Variants in NALCN observed in about 807,000 individuals in gnomAD.
The protein encoded by NALCN is sodium leak channel NALCN.
A neutral mutation model predicts 225.3 loss-of-function variants in NALCN; 111 were observed. The ratio of observed to expected loss-of-function variants is 0.49; its 90% CI spans 0.42 to 0.58. NALCN has a LOEUF of 0.58. Among genes scored for constraint, NALCN ranks in the 20% least tolerant of loss-of-function variants. The pLI is 0.00. For synonymous variants in NALCN, 764 were observed against 769.0 expected (o/e 0.99, Z 0.11); for missense variants, 1,378 against 2,202.4 (o/e 0.63, Z 7.49).
chr13:101,295,841 C>T (rs1213610558), intron 7 of NALCN, among the ~76,000 whole-genome samples: 1 of 152,238 alleles, frequency 6.6e-6, no homozygotes, highest in East Asian at 1.9e-4. Flanking sequence ...CTACTCCTGG[C>T]TTTGCCAAAC....
At chr13:101,198,448 A>G (rs1341724200) in intron 13 of NALCN, among the ~76,000 whole-genome samples, 1 of 152,238 alleles carries the variant, frequency 6.6e-6, no homozygotes, top group Non-Finnish European at 1.5e-5. Context: ...TTATAAGAAG[A>G]AAACAAACAA....
intron 13 of NALCN, among the ~76,000 whole-genome samples, chr13:101,203,271 A>G (rs958548300): frequency 6.6e-6 from 1 of 152,196 alleles, no homozygotes. Flanking sequence ...GCTGGAGTGC[A>G]ATGGCACGAT....
intron 7 of NALCN, among the ~76,000 whole-genome samples, chr13:101,318,177 C>A (rs1001008203): frequency 3.3e-5 from 5 of 152,192 alleles, no homozygotes; most frequent in African/African-American, 9.7e-5. Context: ...TGGGCTCGTT[C>A]TGCCCACCCG....
intron 14 of NALCN, among the ~76,000 whole-genome samples, chr13:101,180,181 A>T (rs971827691): frequency 6.9e-6 from 1 of 144,676 alleles, no homozygotes; most frequent in African/African-American, 2.5e-5. Context: ...GGCCCATTTA[A>T]TCCACTATAC....
chr13:101,179,662 T>G (rs1386668516), intron 14 of NALCN, among the ~76,000 whole-genome samples: 1 of 152,218 alleles, frequency 6.6e-6, no homozygotes, highest in Non-Finnish European at 1.5e-5. Flanking sequence ...TTTGGGGCTT[T>G]CTTTCTGCTG....
chr13:101,157,157 A>T (rs1032748606), intron 15 of NALCN, among the ~76,000 whole-genome samples: 2 of 152,226 alleles, frequency 1.3e-5, no homozygotes, highest in Admixed American at 6.5e-5. Flanking sequence ...TTCTATGGTT[A>T]TGTAAGACAC....
Position 101,103,307 on chromosome 13 carries a change from T to C in NALCN, c.2922A>G (p.Gln974=), listed in dbSNP as rs200235056. The change falls in exon 26 of 44, where the codon CAA becomes CAG. Residue 974 remains glutamine (Q), a synonymous_variant. Transcript: ENST00000251127. Reference sequence around the variant, plus strand: ...GAGCTCCCGATTCAGCAGGTACATTTTGAGGCATCCAACAAAGAAATATCA... The same window carrying C: ...GAGCTCCCGATTCAGCAGGTACATTCTGAGGCATCCAACAAAGAAATATCA... The part of the protein sequence containing the change: ...VSLIFLCWMP[Q]NVPAESGAQL... 5.0e-6 allele frequency: 8 copies of C among 1,613,214 alleles called. No homozygotes were observed. The highest frequency in any genetic ancestry group is 4.0e-5 in the African/African-American group (3 of 74,856).
At chr13:101,405,719 TTCAATC>T (rs1158207959) in intron 1 of NALCN, among the ~76,000 whole-genome samples, 1 of 152,174 alleles carries the variant, frequency 6.6e-6, no homozygotes, top group Non-Finnish European at 1.5e-5. Flanking sequence ...GCCTTGAGAT[TTCAATC>T]ATCACGACAA....
chr13:101,232,614 T>A (rs2041394894), intron 12 of NALCN, among the ~76,000 whole-genome samples: 3 of 151,728 alleles, frequency 2.0e-5, no homozygotes, highest in African/African-American at 7.3e-5. Flanking sequence ...CCCAGCTAAT[T>A]TTTTTGTAAT....
intron 1 of NALCN, among the ~76,000 whole-genome samples, chr13:101,415,228 T>TATATATATATATATAC (rs137895468): frequency 7.7e-6 from 1 of 129,232 alleles, no homozygotes; most frequent in African/African-American, 2.9e-5. Flanking sequence ...TATATATACA[T>TATATATATATATATAC]ACATATATAT....
At chr13:101,272,907 C>T (rs1408927109) in intron 10 of NALCN, among the ~76,000 whole-genome samples, 4 of 152,132 alleles carry the variant, frequency 2.6e-5, no homozygotes, top group Non-Finnish European at 5.9e-5. Flanking sequence ...CACCTCCCCT[C>T]AATCTTAGCC....
chr13:101,104,390 C>T lies in NALCN; in HGVS notation c.2794G>A (p.Glu932Lys), dbSNP rs2139614860. Residue 932 changes from glutamate to lysine, a missense_variant, in exon 25 of 44, where the codon GAG becomes AAG. Transcript: ENST00000251127. The surrounding 1 kb of genome is among the most constrained non-coding windows in gnomAD (Gnocchi z 4.2). ...TCTGCCATAATCTTCAGATTAAGCT[C>T]AATGCTCATGAATATCACAAACACA... ...EYVFVIFMSI[E>K]LNLKIMADGL... 6.2e-7 allele frequency: 1 copy of T among 1,613,726 alleles called. No homozygotes were observed. Among genetic ancestry groups the T allele is most frequent in the Non-Finnish European group, 8.5e-7 (1 of 1,179,802 alleles).
chr13:101,273,740 C>T (rs1040174611), intron 10 of NALCN, among the ~76,000 whole-genome samples: 3 of 151,764 alleles, frequency 2.0e-5, no homozygotes. Context: ...AAAAAATTAG[C>T]CGGGCGTGGT....
chr13:101,060,795 C>G (rs146928862), intron 41 of NALCN, among the ~76,000 whole-genome samples: 1 of 152,248 alleles, frequency 6.6e-6, no homozygotes, highest in South Asian at 2.1e-4. Context: ...CAATCTGTCT[C>G]GGCATATACT....
chr13:101,072,492 T>TTC (rs1301957918), intron 37 of NALCN, among the ~76,000 whole-genome samples: 2 of 152,240 alleles, frequency 1.3e-5, no homozygotes, highest in Non-Finnish European at 2.9e-5. Context: ...TTTCTGGTTT[T>TTC]TCTCAGCCAG....
Position 101,331,690 on chromosome 13 carries a change from A to T in NALCN, c.799+13576T>A, listed in dbSNP as rs545243351. ...CTGCAAAACAAAGAACAAACACAAA[A>T]AACTGGTCCCAGGCATCCGGGGATG... is the stretch of plus-strand genomic sequence containing the variant. On this transcript the variant is annotated intron_variant, in intron 7 of 43. Transcript: ENST00000251127. Among the ~76,000 whole-genome samples the T allele has an allele frequency of 4.1e-4, 62 of 152,220 alleles. 2 individuals carry two copies. Among genetic ancestry groups the T allele is most frequent in the South Asian group, 3.7e-3 (18 of 4,814 alleles).
intron 1 of NALCN, among the ~76,000 whole-genome samples, chr13:101,413,640 A>G (rs2047849551): frequency 6.6e-6 from 1 of 152,190 alleles, no homozygotes. Context: ...TACAAAAAAC[A>G]CACAGATATT....
chr13:101,201,128 G>T (rs1472583763), intron 13 of NALCN, among the ~76,000 whole-genome samples: 1 of 152,094 alleles, frequency 6.6e-6, no homozygotes, highest in African/African-American at 2.4e-5. Context: ...AAGGACTAAG[G>T]AACTATGGAA....
At chr13:101,109,567 CCCT>C (rs1437908281) in intron 20 of NALCN, among the ~76,000 whole-genome samples, 13 of 152,138 alleles carry the variant, frequency 8.5e-5, no homozygotes, top group Admixed American at 5.2e-4. Flanking sequence ...CTCTTGCTAG[CCCT>C]CCTTTCTCAA....
Sources: allele counts gnomAD v4.1 joint callset (sites outside exome capture counted in the v4.1 genomes callset), GRCh38; gene constraint gnomAD v4.1.1; non-coding constraint Gnocchi (gnomAD v3.1); transcripts MANE v1.5; gene names NCBI Gene and HGNC (gene_info 2026-07-23, HGNC 2026-07-21).